Variants in FAM13A observed in about 807,000 individuals in gnomAD.
FAM13A encodes the protein family with sequence similarity 13 member A.
FAM13A carries 76 observed loss-of-function variants against 129.6 expected under a neutral mutation model. That is an observed-to-expected ratio of 0.59 (90% CI 0.49 to 0.71). The LOEUF is 0.71. Ranked by LOEUF, FAM13A falls within the 30% of genes least tolerant of loss-of-function variation. FAM13A has a pLI of 0.00. For missense variants in FAM13A, 1,108 were observed against 1,249.3 expected (o/e 0.89, Z 1.70); for synonymous variants, 443 against 449.9 (o/e 0.98, Z 0.20).
chr4:88,785,659 A>C (rs147702177), intron 10 of FAM13A, among the ~76,000 whole-genome samples: 93 of 152,284 alleles, frequency 6.1e-4, no homozygotes, highest in African/African-American at 1.9e-3. Context: ...CAGCATGAAG[A>C]TAAGGGGAGA....
At chr4:89,009,498 T>C (rs1288219031) in intron 3 of FAM13A, among the ~76,000 whole-genome samples, 1 of 152,212 alleles carries the variant, frequency 6.6e-6, no homozygotes, top group Non-Finnish European at 1.5e-5. Context: ...CATGTCTGTG[T>C]CTTTCCACAA....
intron 2 of FAM13A, among the ~76,000 whole-genome samples, chr4:89,028,206 CAA>C (rs35426702): frequency 4.1e-4 from 32 of 78,578 alleles, no homozygotes; most frequent in East Asian, 1.5e-3. Context: ...ACCTCCGTCT[CAA>C]AAAAAAAAAA....
chr4:88,781,429 A>G, intron 10 of FAM13A, 78 bp from the exon 11 acceptor site: 1 of 967,922 alleles, frequency 1.0e-6, no homozygotes, highest in Non-Finnish European at 1.5e-6. Context: ...ACATCATATC[A>G]TACCTAGGAA....
intron 13 of FAM13A, among the ~76,000 whole-genome samples, chr4:88,760,252 C>T (rs1744512878): frequency 6.6e-6 from 1 of 152,176 alleles, no homozygotes; most frequent in South Asian, 2.1e-4. Flanking sequence ...ATTTTCTTCA[C>T]ATTTGGGATA....
chr4:88,931,907 T>G (rs1036735263), intron 5 of FAM13A, among the ~76,000 whole-genome samples: 2 of 152,182 alleles, frequency 1.3e-5, no homozygotes, highest in Non-Finnish European at 2.9e-5. Flanking sequence ...AAAGGAGAGA[T>G]AATACAATCA....
At chr4:88,954,627 T>C (rs1016118424) in intron 4 of FAM13A, among the ~76,000 whole-genome samples, 10 of 152,226 alleles carry the variant, frequency 6.6e-5, no homozygotes, top group Non-Finnish European at 1.3e-4. Context: ...CTCATGCCTG[T>C]AATCCCAGCA....
chr4:88,801,790 G>A (rs1727506613), intron 8 of FAM13A, among the ~76,000 whole-genome samples: 1 of 152,128 alleles, frequency 6.6e-6, no homozygotes, highest in Non-Finnish European at 1.5e-5. Context: ...ATAAGGATGG[G>A]ATCTGATCCT....
chr4:88,916,897 C>A (rs1750212170), intron 5 of FAM13A, among the ~76,000 whole-genome samples: 1 of 152,056 alleles, frequency 6.6e-6, no homozygotes. Context: ...GTCTGTGCCA[C>A]CCCACTAAAA....
At chr4:88,960,647 GTAGT>G (rs1176785390) in intron 4 of FAM13A, among the ~76,000 whole-genome samples, 2 of 152,176 alleles carry the variant, frequency 1.3e-5, no homozygotes, top group Non-Finnish European at 2.9e-5. Flanking sequence ...GAAGAAGCTA[GTAGT>G]TAGTAAGAAA....
At chr4:89,020,386 G>T in intron 3 of FAM13A, 74 bp downstream of exon 3, 1 of 1,087,186 alleles carries the variant, frequency 9.2e-7, no homozygotes, top group South Asian at 1.4e-5. Flanking sequence ...CAAAGTGTTG[G>T]GATTATAGGT....
At chr4:88,823,811 A>G (rs1732523921) in intron 7 of FAM13A, among the ~76,000 whole-genome samples, 1 of 152,212 alleles carries the variant, frequency 6.6e-6, no homozygotes, top group Non-Finnish European at 1.5e-5. Flanking sequence ...CACCCAGCGC[A>G]CGTAGCTCCA....
At chr4:88,913,981 T>A (rs1749644842) in intron 5 of FAM13A, among the ~76,000 whole-genome samples, 1 of 150,700 alleles carries the variant, frequency 6.6e-6, no homozygotes, top group Admixed American at 6.7e-5. Context: ...CCAGCCTGGA[T>A]GACAGGGTGA....
chr4:88,825,295 A>G (rs2149853993), intron 7 of FAM13A, among the ~76,000 whole-genome samples: 1 of 151,528 alleles, frequency 6.6e-6, no homozygotes, highest in Admixed American at 6.6e-5. Flanking sequence ...GGCTCACTGC[A>G]ATCTCCACCT....
At chr4:89,010,994 C>A (rs573588572) in intron 3 of FAM13A, among the ~76,000 whole-genome samples, 1 of 152,046 alleles carries the variant, frequency 6.6e-6, no homozygotes, top group Admixed American at 6.6e-5. Context: ...ATTACAGGCA[C>A]CTGCCACCAC....
intron 7 of FAM13A, among the ~76,000 whole-genome samples, chr4:88,832,334 T>G (rs1018703940): frequency 6.6e-6 from 1 of 152,092 alleles, no homozygotes; most frequent in African/African-American, 2.4e-5. Context: ...TGGGCGAAGA[T>G]TTCATGATGA....
chr4:88,731,647 A>G, intron 22 of FAM13A: 1 of 553,198 alleles, frequency 1.8e-6, no homozygotes, highest in South Asian at 2.5e-5. Flanking sequence ...GCTACTTGGG[A>G]ATTCTTAGCC....
At chr4:88,944,991 T>C (rs549026501) in intron 4 of FAM13A, among the ~76,000 whole-genome samples, 4 of 152,304 alleles carry the variant, frequency 2.6e-5, no homozygotes, top group African/African-American at 9.6e-5. Context: ...TTATTCTTGC[T>C]GCACTTATGT....
chr4:88,938,723 G>C (rs1036670113), intron 4 of FAM13A, among the ~76,000 whole-genome samples: 5 of 152,002 alleles, frequency 3.3e-5, no homozygotes, highest in African/African-American at 1.2e-4. Context: ...GCGCATGGAA[G>C]GTCTATTACA....
At chr4:88,870,975 C>T (rs111302170) in intron 6 of FAM13A, among the ~76,000 whole-genome samples, 10 of 152,376 alleles carry the variant, frequency 6.6e-5, no homozygotes, top group African/African-American at 2.4e-4. Flanking sequence ...TGCTGTTCTG[C>T]AGCCTTTGCT....
Sources: allele counts gnomAD v4.1 joint callset (sites outside exome capture counted in the v4.1 genomes callset), GRCh38; gene constraint gnomAD v4.1.1; transcripts MANE v1.5; gene names NCBI Gene and HGNC (gene_info 2026-07-23, HGNC 2026-07-21).